DYNC2LI1: variants seen among roughly 807,000 people sequenced by gnomAD.
DYNC2LI1 encodes the protein dynein cytoplasmic 2 light intermediate chain 1.
Under a neutral mutation model 51.9 loss-of-function variants are expected in DYNC2LI1, and 45 were observed. The ratio of observed to expected loss-of-function variants is 0.87; its 90% CI spans 0.68 to 1.11. The LOEUF (loss-of-function observed/expected upper bound fraction) is 1.11. Among genes scored for constraint, DYNC2LI1 ranks in the 50% most tolerant of loss-of-function variants. DYNC2LI1 has a pLI of 0.00. For synonymous variants in DYNC2LI1, 130 were observed against 137.8 expected (o/e 0.94, Z 0.40); for missense variants, 490 against 417.4 (o/e 1.17, Z -1.51).
At chr2:43,776,708 T>C (rs1673039539) in intron 1 of DYNC2LI1, 74 bp from the exon 2 acceptor site, 2 of 700,156 alleles carry the variant, frequency 2.9e-6, no homozygotes, top group Admixed American at 5.6e-5. Flanking sequence ...TGAAATAAAA[T>C]TTCTCTGAGC....
At chr2:43,807,356 A>G (rs1268894975) in intron 12 of DYNC2LI1, among the ~76,000 whole-genome samples, 3 of 152,062 alleles carry the variant, frequency 2.0e-5, no homozygotes, top group Non-Finnish European at 4.4e-5. Context: ...CTGTTTTTTA[A>G]AAGTCCTCTA....
At chr2:43,822,130 T>C in the DYNC2LI1 span, among the ~76,000 whole-genome samples, 2 of 152,190 alleles carry the variant, frequency 1.3e-5, no homozygotes, top group African/African-American at 4.8e-5. Flanking sequence ...CATCCTACCC[T>C]GTAACACCAA....
downstream of DYNC2LI1, chr2:43,812,764 A>G (rs536340107): frequency 1.2e-4 from 29 of 248,372 alleles, 1 homozygote; most frequent in Middle Eastern, 1.5e-3. Flanking sequence ...CCTTTATCCA[A>G]TGTAAACATA....
At chr2:43,807,743 CAAAAAAAAA>C (rs536977133) in intron 12 of DYNC2LI1, among the ~76,000 whole-genome samples, 6 of 41,632 alleles carry the variant, frequency 1.4e-4, no homozygotes, top group East Asian at 1.3e-3. Flanking sequence ...TTTGTTAAAG[CAAAAAAAAA>C]AAAAAAAAAA....
chr2:43,783,161 C>G (rs1033537087), intron 2 of DYNC2LI1, among the ~76,000 whole-genome samples: 1 of 152,118 alleles, frequency 6.6e-6, no homozygotes, highest in African/African-American at 2.4e-5. Context: ...GGAATTAAAA[C>G]ATTTTAAAAG....
At chr2:43,822,574 A>T in the DYNC2LI1 span, 1 of 983,956 alleles carries the variant, frequency 1.0e-6, no homozygotes, top group Non-Finnish European at 1.2e-6. Context: ...TCCCAGGCAC[A>T]TGTCATCTTG....
the DYNC2LI1 span, among the ~76,000 whole-genome samples, chr2:43,820,455 A>G: frequency 2.6e-5 from 4 of 152,242 alleles, no homozygotes; most frequent in Admixed American, 2.6e-4. Flanking sequence ...TGCCTAGCCA[A>G]CACCACACCT....
rs976642941 is a variant in DYNC2LI1, at chr2:43,774,041, A to C, written c.-98A>C. The C allele has an allele frequency of 1.0e-5, 16 of 1,532,652 alleles. No homozygotes were observed. The African/African-American group carries it at 2.2e-4, about 21-fold the overall frequency. 94.9% of individuals were successfully genotyped at this position (1,532,652 alleles called of 1,614,324 possible). ...CGACGTCGCTCCCATGGCAACCCAG[A>C]AGGCCTCACTCCCAGACTCCTTGCG... On this transcript the variant is annotated 5_prime_UTR_variant, in exon 1 of 13. Transcript: ENST00000260605.
chr2:43,813,674 G>GTT (rs1284706812), downstream of DYNC2LI1, among the ~76,000 whole-genome samples: 153 of 20,286 alleles, frequency 7.5e-3, 3 homozygotes, highest in African/African-American at 0.017. Flanking sequence ...TTTTTTGGTT[G>GTT]TTTTTTTTTT....
chr2:43,794,242 CACTATTGTAA>C, intron 5 of DYNC2LI1: 1 of 429,678 alleles, frequency 2.3e-6, no homozygotes, highest in Non-Finnish European at 4.1e-6. Context: ...AACTTAGTTC[CACTATTGTAA>C]CACTTAAATA....
chr2:43,794,885 C>A, intron 6 of DYNC2LI1: 8 of 1,393,358 alleles, frequency 5.7e-6, no homozygotes, highest in Non-Finnish European at 7.4e-6. Flanking sequence ...TTACACCAAT[C>A]AGAGAAATAG....
the DYNC2LI1 span, among the ~76,000 whole-genome samples, chr2:43,821,781 C>T: frequency 2.6e-5 from 4 of 152,126 alleles, no homozygotes; most frequent in Non-Finnish European, 5.9e-5. Flanking sequence ...TTCCCAATTT[C>T]AATCTCTCTC....
intron 5 of DYNC2LI1, among the ~76,000 whole-genome samples, chr2:43,790,525 C>T (rs1375414574): frequency 5.3e-5 from 8 of 150,180 alleles, no homozygotes; most frequent in Admixed American, 3.3e-4. Context: ...TGGCTGGATA[C>T]GGTTGGTTTT....
intron 3 of DYNC2LI1, among the ~76,000 whole-genome samples, chr2:43,784,570 G>A (rs886959880): frequency 2.6e-5 from 4 of 152,176 alleles, no homozygotes; most frequent in African/African-American, 9.6e-5. Flanking sequence ...CTCCCGCTGG[G>A]ATTACAGGCA....
chr2:43,801,831 T>A (rs1204117107), intron 10 of DYNC2LI1, 122 bp downstream of exon 10: 8 of 675,820 alleles, frequency 1.2e-5, no homozygotes, highest in Non-Finnish European at 5.0e-6. Context: ...TGCTGTTATT[T>A]CCTGTGTGTT....
chr2:43,781,958 A>C (rs17031519), intron 2 of DYNC2LI1, among the ~76,000 whole-genome samples: 9,075 of 152,030 alleles, frequency 0.06, 411 homozygotes, highest in African/African-American at 0.13. Context: ...AGCTAGAAAT[A>C]ATCATTATTA....
chr2:43,808,241 A>G (rs1300519841), intron 12 of DYNC2LI1, among the ~76,000 whole-genome samples: 2 of 148,472 alleles, frequency 1.3e-5, no homozygotes, highest in Non-Finnish European at 1.5e-5. Context: ...AATTCTTCCT[A>G]GAATCCAATG....
the DYNC2LI1 span, among the ~76,000 whole-genome samples, chr2:43,820,436 A>T: frequency 2.6e-5 from 4 of 152,128 alleles, no homozygotes; most frequent in African/African-American, 9.7e-5. Context: ...TTCATAAATA[A>T]CCATGTTCTG....
chr2:43,798,062 G>C (rs1021205659), intron 8 of DYNC2LI1, among the ~76,000 whole-genome samples: 7 of 151,996 alleles, frequency 4.6e-5, no homozygotes, highest in Non-Finnish European at 8.8e-5. Flanking sequence ...AGGAGGTCAA[G>C]GCTGCAGTGA....
Sources: allele counts gnomAD v4.1 joint callset (sites outside exome capture counted in the v4.1 genomes callset), GRCh38; gene constraint gnomAD v4.1.1; transcripts MANE v1.5; gene names NCBI Gene and HGNC (gene_info 2026-07-23, HGNC 2026-07-21).